The following CAPN1 variants were observed in gnomAD, a reference collection of about 807,000 sequenced individuals.
The protein encoded by CAPN1 is calpain-1 catalytic subunit.
A neutral mutation model predicts 105.2 loss-of-function variants in CAPN1; 77 were observed. That is an observed-to-expected ratio of 0.73 (90% CI 0.61 to 0.88). The LOEUF (loss-of-function observed/expected upper bound fraction) is 0.88. Among genes scored for constraint, CAPN1 ranks in the 40% least tolerant of loss-of-function variants. The pLI, the probability that CAPN1 is intolerant of heterozygous loss-of-function variation, is 0.00. For missense variants in CAPN1, 833 were observed against 976.6 expected, an observed-to-expected ratio of 0.85 and a Z score of 1.96; for synonymous variants, 355 against 388.8, an observed-to-expected ratio of 0.91 and a Z score of 1.02.
In CAPN1 at chr11:65,186,339, G is replaced by A. The variant is rs1421591415; in HGVS notation, c.759+1G>A. 4.4e-6 allele frequency: 7 copies of A among 1,609,180 alleles called. No individual in the cohort carries two copies. The highest frequency in any genetic ancestry group is 2.2e-5 in the East Asian group (1 of 44,802). ...CTCCCTGCTGGGCTGCTCCATAGAC[G>A]TGAGTGTGCCCGGCCCCGATGCTTT... is the stretch of plus-strand genomic sequence containing the variant. On this transcript the variant is annotated splice_donor_variant, in intron 6 of 21. Transcript: ENST00000279247. LOFTEE classifies it high-confidence loss of function.
chr11:65,187,451 G>A (rs1948651371), intron 7 of CAPN1, 153 bp downstream of exon 7: 1 of 623,668 alleles, frequency 1.6e-6, no homozygotes, highest in African/African-American at 1.8e-5. Flanking sequence ...ACCCATCTGA[G>A]ATGCCTATCA....
chr11:65,206,734 C>T (rs1948966837), intron 13 of CAPN1, 46 bp from the exon 14 acceptor site: 2 of 1,611,550 alleles, frequency 1.2e-6, no homozygotes, highest in Non-Finnish European at 1.7e-6. Flanking sequence ...CTCAGGCCCT[C>T]TGCTGTCCCC....
At chr11:65,203,207 T>G (rs1948897939) in intron 10 of CAPN1, among the ~76,000 whole-genome samples, 1 of 152,220 alleles carries the variant, frequency 6.6e-6, no homozygotes, top group Admixed American at 6.5e-5. Context: ...TCTTTTTTTT[T>G]TTAAATGGAA....
At chr11:65,201,428 C>T (rs534520361) in intron 10 of CAPN1, among the ~76,000 whole-genome samples, 2 of 152,232 alleles carry the variant, frequency 1.3e-5, no homozygotes, top group Non-Finnish European at 2.9e-5. Flanking sequence ...TAAGGTTTCA[C>T]AGGCAGTGTG....
In CAPN1 at chr11:65,183,594, T is replaced by G; in HGVS notation, c.456+2T>G. ...TATGCCGGCATCTTCCATTTCCAGG[T>G]GAGGGCTCCCCTGGGGAGGAGGGGC... On this transcript the variant is annotated splice_donor_variant, in intron 4 of 21. Coordinates refer to ENST00000279247, the MANE Select transcript of CAPN1 (RefSeq NM_005186.4). LOFTEE classifies it high-confidence loss of function. 1 of 1,595,080 alleles carries G rather than the reference T, an allele frequency of 6.3e-7. No individual in the cohort carries two copies. Among genetic ancestry groups the G allele is most frequent in the Non-Finnish European group, 8.6e-7 (1 of 1,162,818 alleles).
At position 65,209,213 on chromosome 11, in the gene CAPN1, C is replaced by T. The variant is rs897479996; in HGVS notation, c.1730-110C>T. 9.0e-5 allele frequency: 69 copies of T among 763,690 alleles called. No homozygotes were observed. The highest frequency in any genetic ancestry group is 7.0e-4 in the Admixed American group (34 of 48,874). 47.3% of individuals were successfully genotyped at this position (763,690 alleles called of 1,614,324 possible). On this transcript the variant is annotated intron_variant, in intron 16 of 21. Transcript: ENST00000279247. The surrounding 1 kb of genome is among the most constrained non-coding windows in gnomAD (Gnocchi z 4.1). Reference sequence around the variant, plus strand: ...CCACTTCCTCTGCCAGATATTGCACCCACTCGTCAGGATTTGTGCGTCCTT... The same window carrying T: ...CCACTTCCTCTGCCAGATATTGCACTCACTCGTCAGGATTTGTGCGTCCTT...
chr11:65,189,891 G>T (rs760982473), intron 10 of CAPN1, among the ~76,000 whole-genome samples: 1 of 152,012 alleles, frequency 6.6e-6, no homozygotes, highest in African/African-American at 2.4e-5. Flanking sequence ...TCTCACCTTC[G>T]GGCCTGGCCT....
At chr11:65,203,752 G>A (rs1590862762) in intron 10 of CAPN1, 1 of 152,304 alleles carries the variant, frequency 6.6e-6, no homozygotes, top group African/African-American at 2.4e-5. Context: ...ATGAAGCTCT[G>A]TGTTTAACCT....
Position 65,185,926 on chromosome 11 carries a change from T to A in CAPN1, c.466T>A (p.Phe156Ile). The A allele has an allele frequency of 1.3e-6, 2 of 1,583,782 alleles. No homozygotes were observed. Among genetic ancestry groups the A allele is most frequent in the Non-Finnish European group, 8.6e-7 (1 of 1,164,972 alleles). Residue 156 changes from phenylalanine (F) to isoleucine (I), a missense_variant, in exon 5 of 22, where the codon TTT (phenylalanine) becomes ATT (isoleucine). By Grantham distance (21) the Phe-to-Ile change is conservative. Coordinates refer to ENST00000279247, the MANE Select transcript of CAPN1 (RefSeq NM_005186.4). ...TGCCCCTCCCCCACAGCTGTGGCAA[T>A]TTGGGGAGTGGGTGGACGTGGTCGT... ...AGIFHFQLWQFGEWVDVVVDD... is the reference protein window; with the variant it reads ...AGIFHFQLWQIGEWVDVVVDD...
At chr11:65,183,242 GT>G in intron 3 of CAPN1, 45 bp downstream of exon 3, 1 of 1,559,154 alleles carries the variant, frequency 6.4e-7, no homozygotes, top group Middle Eastern at 1.7e-4. Context: ...TTCCACAGTA[GT>G]TCCCCATTCC....
At position 65,205,346 on chromosome 11, in the gene CAPN1, C is replaced by T. The variant is rs899326431; in HGVS notation, c.1342-364C>T. Among the ~76,000 whole-genome samples the T allele has an allele frequency of 2.6e-5, 4 of 152,220 alleles. No individual in the cohort carries two copies. In the South Asian group the frequency reaches 8.3e-4, roughly 31 times the overall value. On this transcript the variant is annotated intron_variant, in intron 11 of 21. Coordinates refer to ENST00000279247, the MANE Select transcript of CAPN1 (RefSeq NM_005186.4). ...GCCCTCAAGACAGGGAGAGAAACTT[C>T]TGGACCTCCCTGGTCGCAGTCTTGG...
At chr11:65,194,028 C>T (rs1485664079) in intron 10 of CAPN1, among the ~76,000 whole-genome samples, 2 of 121,762 alleles carry the variant, frequency 1.6e-5, no homozygotes, top group African/African-American at 6.4e-5. Context: ...GTGGTGCGAT[C>T]TTGGCTCACT....
At position 65,210,850 on chromosome 11, in the gene CAPN1, T is replaced by C. The variant is rs752290465; in HGVS notation, c.2096T>C (p.Val699Ala). ...ACTCTGGACACAGATCTGGATGGAG[T>C]TGTGACCTTTGACTTGTTTAAGGTG... Reference protein sequence around the residue: ...FKTLDTDLDGVVTFDLFKWLQ... With the variant: ...FKTLDTDLDGAVTFDLFKWLQ... The change falls in exon 21 of 22, where the codon GTT becomes GCT. Residue 699 changes from valine to alanine, a missense_variant. Val to Ala is a moderately conservative substitution (Grantham distance 64). Transcript: ENST00000279247. The surrounding 1 kb of genome is among the most constrained non-coding windows in gnomAD (Gnocchi z 4.3). 15 of 1,613,410 alleles carry C rather than the reference T, an allele frequency of 9.3e-6. No homozygotes were observed. Among genetic ancestry groups the C allele is most frequent in the Non-Finnish European group, 1.3e-5 (15 of 1,179,712 alleles).
intron 10 of CAPN1, among the ~76,000 whole-genome samples, chr11:65,197,493 A>G (rs1020184798): frequency 6.6e-6 from 1 of 152,138 alleles, no homozygotes; most frequent in African/African-American, 2.4e-5. Flanking sequence ...AATTTTTAAA[A>G]TATATCTTTT....
At chr11:65,181,648 G>A (rs17880457), upstream of CAPN1, 36,531 of 362,704 alleles carry the variant, frequency 0.1, 2,784 homozygotes, top group African/African-American at 0.25. The surrounding 1 kb of genome is among the most constrained non-coding windows in gnomAD (Gnocchi z 4.6). Context: ...GTTCCCCGCG[G>A]TGCCCTTCCG....
rs775190961 is a variant in CAPN1, at chr11:65,206,460, C to G, written c.1354-3C>G. ...AGCCCTGCTCCCTCCTCCCTCCCAC[C>G]AGCTGGTGGGCCAGCCGGCCGTACA... On this transcript the variant is annotated splice_region_variant and splice_polypyrimidine_tract_variant and intron_variant, in intron 12 of 21. Transcript: ENST00000279247. 3 of 1,612,312 alleles carry G rather than the reference C, an allele frequency of 1.9e-6. No homozygotes were observed. The highest frequency in any genetic ancestry group is 2.5e-6 in the Non-Finnish European group (3 of 1,179,582).
At chr11:65,205,156 T>G (rs1385734240) in intron 11 of CAPN1, among the ~76,000 whole-genome samples, 2 of 152,210 alleles carry the variant, frequency 1.3e-5, no homozygotes, top group African/African-American at 4.8e-5. Flanking sequence ...CTGGCTCAGC[T>G]GATGCCTGGG....
intron 12 of CAPN1, chr11:65,206,233 T>G: frequency 1.7e-6 from 1 of 590,378 alleles, no homozygotes. Flanking sequence ...TAATCTGCAA[T>G]CCGGTGCTCC....
intron 10 of CAPN1, among the ~76,000 whole-genome samples, chr11:65,198,763 G>A (rs1444675577): frequency 1.3e-5 from 2 of 152,210 alleles, no homozygotes; most frequent in East Asian, 3.9e-4. Flanking sequence ...GGTCTCAGGT[G>A]AGCCTCCCAC....
Sources: allele counts gnomAD v4.1 joint callset (sites outside exome capture counted in the v4.1 genomes callset), GRCh38; gene constraint gnomAD v4.1.1; non-coding constraint Gnocchi (gnomAD v3.1); transcripts MANE v1.5; gene names NCBI Gene and HGNC (gene_info 2026-07-23, HGNC 2026-07-21).